DCAF4: variants seen among roughly 807,000 people sequenced by gnomAD.
The protein encoded by DCAF4 is DDB1- and CUL4-associated factor 4.
A neutral mutation model predicts 60.9 loss-of-function variants in DCAF4; 37 were observed. The observed-to-expected ratio is 0.61, with a 90% CI of 0.47 to 0.80. DCAF4 has a LOEUF of 0.80. Among genes scored for constraint, DCAF4 ranks in the 30% least tolerant of loss-of-function variants. The pLI is 0.00. For missense variants in DCAF4, 577 were observed against 650.0 expected, an observed-to-expected ratio of 0.89 and a Z score of 1.22; for synonymous variants, 243 against 254.8, an observed-to-expected ratio of 0.95 and a Z score of 0.44.
intron 5 of DCAF4, chr14:72,942,690 G>A (rs1890207287): frequency 1.0e-5 from 3 of 298,226 alleles, no homozygotes; most frequent in East Asian, 7.6e-5. Flanking sequence ...TTCATCTCCC[G>A]CACTTTCGTC....
At chr14:72,960,173 T>TTGG (rs1892754836), downstream of DCAF4, among the ~76,000 whole-genome samples, 1 of 146,998 alleles carries the variant, frequency 6.8e-6, no homozygotes, top group Non-Finnish European at 1.5e-5. Context: ...TTTTTTTTTT[T>TTGG]GAGATGGTGT....
intron 1 of DCAF4, chr14:72,929,510 G>A: frequency 1.4e-6 from 1 of 689,830 alleles, no homozygotes. Context: ...CAGCCTGGGC[G>A]GCAACAAAGC....
chr14:72,939,175 G>A lies in DCAF4; in HGVS notation c.93-627G>A, dbSNP rs182962898. 1.5e-3 allele frequency among the ~76,000 whole-genome samples: 232 copies of A among 152,208 alleles called. 2 individuals carry two copies. The highest frequency in any genetic ancestry group is 5.2e-3 in the African/African-American group (215 of 41,558). On this transcript the variant is annotated intron_variant, in intron 2 of 13. Coordinates refer to ENST00000358377, the MANE Select transcript of DCAF4 (RefSeq NM_015604.4). ...TTGAGACCAGTCTGGCCAACACGGC[G>A]AAACTCCGTCTCTACTAAAAATATA...
At chr14:72,946,759 TGGC>T (rs1397326653) in intron 7 of DCAF4, among the ~76,000 whole-genome samples, 1 of 152,212 alleles carries the variant, frequency 6.6e-6, no homozygotes, top group Non-Finnish European at 1.5e-5. Flanking sequence ...AGTGGGGTGA[TGGC>T]GGCATCCGTG....
rs1409710487 is a variant in DCAF4, at chr14:72,954,435, G to C, written c.957G>C (p.Gln319His). ...CCAACGTGGTGACGGGACACCGGCA[G>C]TCCTTTGGGACCAACAGTGATGTCT... is the stretch of plus-strand genomic sequence containing the variant. ...LLTNVVTGHR[Q>H]SFGTNSDVLA... The change falls in exon 11 of 14, where the codon CAG becomes CAC. Residue 319 changes from glutamine to histidine, a missense_variant. Transcript: ENST00000358377. 1 of 1,614,248 alleles carries C rather than the reference G, an allele frequency of 6.2e-7. No individual in the cohort carries two copies. The highest frequency in any genetic ancestry group is 1.6e-4 in the Middle Eastern group (1 of 6,062).
chr14:72,942,082 T>C (rs1050421163), intron 5 of DCAF4: 1 of 432,248 alleles, frequency 2.3e-6, no homozygotes, highest in Non-Finnish European at 4.1e-6. Context: ...AGATGTCTAT[T>C]CTCTGTTACT....
At chr14:72,928,616 T>C (rs1303389606) in intron 1 of DCAF4, among the ~76,000 whole-genome samples, 1 of 135,428 alleles carries the variant, frequency 7.4e-6, no homozygotes, top group African/African-American at 2.8e-5. Flanking sequence ...TATATATATA[T>C]AGTTCACATA....
Position 72,948,748 on chromosome 14 carries a change from T to G in DCAF4, c.728+1557T>G, listed in dbSNP as rs373722073. Among the ~76,000 whole-genome samples, 8 of 152,338 alleles carry G rather than the reference T, an allele frequency of 5.3e-5. No individual in the cohort carries two copies. The East Asian group carries it at 1.2e-3, about 22-fold the overall frequency. On this transcript the variant is annotated intron_variant, in intron 8 of 13. Transcript: ENST00000358377. The stretch of plus-strand genomic sequence containing the variant: ...GGGCTTTTGTGCTGAAGATTTTTTG[T>G]GCTGCTTCAGAAGTTCAGGTAACTT...
chr14:72,951,806 T>A lies in DCAF4; in HGVS notation c.737T>A (p.Leu246His). The part of the protein sequence containing the change: ...NHLDSHILLC[L>H]MGLAETPGCA... ...TTAACAGCTTTTTCCAGGCTATGCCTCATGGGACTCGCAGAGACTCCAGGC... is the reference window on the plus strand; with the variant it reads ...TTAACAGCTTTTTCCAGGCTATGCCACATGGGACTCGCAGAGACTCCAGGC... The change falls in exon 9 of 14, where the codon CTC becomes CAC. Residue 246 changes from leucine to histidine, a missense_variant. Coordinates refer to ENST00000358377, the MANE Select transcript of DCAF4 (RefSeq NM_015604.4). 6.2e-7 allele frequency: 1 copy of A among 1,614,118 alleles called. No homozygotes were observed. The highest frequency in any genetic ancestry group is 8.5e-7 in the Non-Finnish European group (1 of 1,180,014).
At position 72,941,818 on chromosome 14, in the gene DCAF4, A is replaced by G. The variant is rs1014019080; in HGVS notation, c.425A>G (p.Tyr142Cys). The G allele has an allele frequency of 6.2e-7, 1 of 1,613,914 alleles. No homozygotes were observed. The highest frequency in any genetic ancestry group is 1.7e-5 in the Admixed American group (1 of 59,974). Reference sequence around the variant, plus strand: ...CTGGGTTTTCTCAACGTCACCAATTACTGCCAGTAAGACAATGCCTCTTTG... The same window carrying G: ...CTGGGTTTTCTCAACGTCACCAATTGCTGCCAGTAAGACAATGCCTCTTTG... ...SQLGFLNVTN[Y>C]CHLAHELRLS... The change falls in exon 5 of 14, where the codon TAC becomes TGC. Residue 142 changes from tyrosine (Y) to cysteine (C), a missense_variant. By Grantham distance (194) the Tyr-to-Cys change is radical (BLOSUM62 -2). Transcript: ENST00000358377.
Position 72,928,777 on chromosome 14 carries a change from A to T in DCAF4, c.-9+2234A>T, listed in dbSNP as rs533445619. On this transcript the variant is annotated intron_variant, in intron 1 of 13. Transcript: ENST00000358377. ...CGCGGCCCCAGGGTGCCCCAGTCTCAGAGCCCCGGTTGTTGGGCTCCAGTC... is the reference window on the plus strand; with the variant it reads ...CGCGGCCCCAGGGTGCCCCAGTCTCTGAGCCCCGGTTGTTGGGCTCCAGTC... 5.2e-3 allele frequency among the ~76,000 whole-genome samples: 797 copies of T among 152,156 alleles called. 9 individuals are homozygous for T. Among genetic ancestry groups the T allele is most frequent in the African/African-American group, 0.018 (744 of 41,498 alleles).
At chr14:72,950,917 C>T (rs756924795) in intron 8 of DCAF4, among the ~76,000 whole-genome samples, 5 of 152,054 alleles carry the variant, frequency 3.3e-5, no homozygotes, top group Non-Finnish European at 7.4e-5. Flanking sequence ...GAGCAGTTCT[C>T]TCTGAGTAGA....
chr14:72,955,419 C>G, intron 11 of DCAF4, 104 bp from the exon 12 acceptor site: 1 of 1,384,380 alleles, frequency 7.2e-7, no homozygotes, highest in East Asian at 2.3e-5. Context: ...ATCACACCGT[C>G]TGACCCAGAG....
At chr14:72,945,842 C>T (rs762635079) in intron 6 of DCAF4, 42 bp from the exon 7 acceptor site, 3 of 1,612,532 alleles carry the variant, frequency 1.9e-6, no homozygotes, top group African/African-American at 2.7e-5. Context: ...GTCCACCAGG[C>T]GCAGCCTGGG....
Position 72,955,595 on chromosome 14 carries a change from A to G in DCAF4, c.1078A>G (p.Lys360Glu). 1 of 1,614,186 alleles carries G rather than the reference A, an allele frequency of 6.2e-7. No individual in the cohort carries two copies. Among genetic ancestry groups the G allele is most frequent in the Non-Finnish European group, 8.5e-7 (1 of 1,180,024 alleles). The part of the protein sequence containing the change: ...AIDLRCGNQG[K>E]GWKATRLFHD... ...TGATCTGCGTTGTGGAAATCAAGGC[A>G]AGGGATGGAAGGCCACCCGCCTGTT... The change falls in exon 12 of 14, where the codon AAG becomes GAG. Residue 360 changes from lysine to glutamate, a missense_variant. Transcript: ENST00000358377.
In DCAF4 at chr14:72,951,870, T is replaced by G; in HGVS notation, c.801T>G (p.Ser267Arg). ...TCCCAGCATCACTGTTCGTCAATAG[T>G]CACCCAGGTACAGGGTTCTCCTCCT... ...TLLPASLFVN[S>R]HPGIDRPGML... Residue 267 changes from serine to arginine, a missense_variant, in exon 9 of 14, where the codon AGT (serine) becomes AGG (arginine). Coordinates refer to ENST00000358377, the MANE Select transcript of DCAF4 (RefSeq NM_015604.4). The G allele has an allele frequency of 6.2e-7, 1 of 1,614,118 alleles. No homozygotes were observed. Among genetic ancestry groups the G allele is most frequent in the South Asian group, 1.1e-5 (1 of 91,080 alleles).
At chr14:72,954,320 T>C (rs757481271) in intron 10 of DCAF4, 58 bp downstream of exon 10, 2 of 1,612,384 alleles carry the variant, frequency 1.2e-6, no homozygotes. Flanking sequence ...TAAAACCCCA[T>C]GTAGTTGTCC....
At chr14:72,938,162 C>G (rs777907961) in intron 2 of DCAF4, 92 bp downstream of exon 2, 5 of 1,460,210 alleles carry the variant, frequency 3.4e-6, no homozygotes, top group Non-Finnish European at 4.5e-6. Flanking sequence ...GTGGAGATCA[C>G]CTGGGGGCTC....
chr14:72,939,190 C>T (rs1003285510), intron 2 of DCAF4, among the ~76,000 whole-genome samples: 4 of 152,098 alleles, frequency 2.6e-5, no homozygotes, highest in South Asian at 2.1e-4. Context: ...TCCGTCTCTA[C>T]TAAAAATATA....
Sources: gnomAD v4.1 joint callset for allele counts (sites outside exome capture counted in the v4.1 genomes callset) on GRCh38, gnomAD v4.1.1 for gene constraint, MANE v1.5 for transcripts, NCBI Gene and HGNC (gene_info 2026-07-23, HGNC 2026-07-21) for gene names.